MARCHF1: variants seen among roughly 807,000 people sequenced by gnomAD.
MARCHF1 encodes the protein E3 ubiquitin-protein ligase MARCHF1.
MARCHF1 carries 40 observed loss-of-function variants against 54.2 expected under a neutral mutation model. The observed-to-expected ratio is 0.74, with a 90% CI of 0.57 to 0.96. The LOEUF is 0.96. Ranked by LOEUF, MARCHF1 falls within the 40% of genes least tolerant of loss-of-function variation. The probability of loss-of-function intolerance (pLI) is 0.00; values close to 1 mark genes in which losing one functional copy is unlikely to be tolerated. For missense variants in MARCHF1, 586 were observed against 656.5 expected (o/e 0.89, Z 1.17); for synonymous variants, 236 against 236.3 (o/e 1.00, Z 0.01).
At chr4:163,957,300 T>A (rs924641671) in intron 3 of MARCHF1, among the ~76,000 whole-genome samples, 4 of 151,998 alleles carry the variant, frequency 2.6e-5, no homozygotes, top group African/African-American at 9.7e-5. Flanking sequence ...TAATGAAAAA[T>A]TAACCTTAAC....
At chr4:164,058,046 C>T (rs1560884149) in intron 2 of MARCHF1, among the ~76,000 whole-genome samples, 3 of 152,118 alleles carry the variant, frequency 2.0e-5, no homozygotes, top group South Asian at 4.1e-4. Flanking sequence ...ACCACATGTT[C>T]TCACTCATAA....
chr4:163,700,630 C>T (rs1003160618), intron 5 of MARCHF1, among the ~76,000 whole-genome samples, 183 bp downstream of exon 5: 1 of 152,050 alleles, frequency 6.6e-6, no homozygotes, highest in Non-Finnish European at 1.5e-5. Flanking sequence ...AAATAGCCTA[C>T]TTATTTTCTT....
chr4:163,550,066 T>C (rs1739049213), intron 8 of MARCHF1, among the ~76,000 whole-genome samples: 1 of 152,094 alleles, frequency 6.6e-6, no homozygotes, highest in Non-Finnish European at 1.5e-5. Context: ...GCGGATTGCC[T>C]GAGCGCAGGA....
At chr4:164,030,512 G>A (rs538925907) in intron 2 of MARCHF1, among the ~76,000 whole-genome samples, 1 of 152,236 alleles carries the variant, frequency 6.6e-6, no homozygotes, top group Non-Finnish European at 1.5e-5. Context: ...CACTTTCTGT[G>A]AAAGATTTAC....
intron 2 of MARCHF1, among the ~76,000 whole-genome samples, chr4:164,081,439 C>A (rs11724787): frequency 0.042 from 6,339 of 151,770 alleles, 184 homozygotes; most frequent in Non-Finnish European, 0.062. Flanking sequence ...ATTTTTCTGA[C>A]AAAGCCCTAC....
intron 5 of MARCHF1, among the ~76,000 whole-genome samples, chr4:163,614,456 G>A (rs554189256): frequency 6.6e-6 from 1 of 151,924 alleles, no homozygotes; most frequent in South Asian, 2.1e-4. Context: ...TCCAGATTCA[G>A]GCCTGTTTGA....
At chr4:164,294,467 T>G (rs1560990845) in intron 1 of MARCHF1, among the ~76,000 whole-genome samples, 1 of 152,152 alleles carries the variant, frequency 6.6e-6, no homozygotes, top group East Asian at 1.9e-4. Flanking sequence ...ATGCTACAAG[T>G]AAAACCCATT....
intron 3 of MARCHF1, among the ~76,000 whole-genome samples, chr4:163,941,316 T>C (rs1277155977): frequency 6.6e-6 from 1 of 152,050 alleles, no homozygotes. Flanking sequence ...AGGATTGAGC[T>C]AGGCACTGAA....
chr4:163,844,211 T>G (rs886229911), intron 4 of MARCHF1, among the ~76,000 whole-genome samples: 25 of 152,138 alleles, frequency 1.6e-4, no homozygotes, highest in Admixed American at 3.9e-4. Context: ...CACTTACAAG[T>G]GAGAGCATGA....
chr4:164,279,671 T>C (rs1019066558), intron 1 of MARCHF1, among the ~76,000 whole-genome samples: 1 of 151,560 alleles, frequency 6.6e-6, no homozygotes, highest in Non-Finnish European at 1.5e-5. Flanking sequence ...ATTTGTCAAA[T>C]GTAAAAATTT....
intron 1 of MARCHF1, among the ~76,000 whole-genome samples, chr4:164,218,284 T>G (rs1414233646): frequency 6.6e-6 from 1 of 152,048 alleles, no homozygotes; most frequent in Non-Finnish European, 1.5e-5. Flanking sequence ...GTGTAAGAAT[T>G]GTAGCGTTGA....
intron 4 of MARCHF1, among the ~76,000 whole-genome samples, chr4:163,701,252 T>C (rs922940827): frequency 2.0e-5 from 3 of 152,190 alleles, no homozygotes; most frequent in South Asian, 2.1e-4. Flanking sequence ...GTTTTCAATA[T>C]CATTAAATAT....
At chr4:163,925,069 C>T (rs1421006795) in intron 3 of MARCHF1, among the ~76,000 whole-genome samples, 1 of 151,682 alleles carries the variant, frequency 6.6e-6, no homozygotes, top group Non-Finnish European at 1.5e-5. Context: ...ATTTGGTCCC[C>T]TTAAGAAAAA....
chr4:164,263,769 G>T (rs1314594541), intron 1 of MARCHF1, among the ~76,000 whole-genome samples: 1 of 152,118 alleles, frequency 6.6e-6, no homozygotes, highest in African/African-American at 2.4e-5. Flanking sequence ...GATCATTAGA[G>T]AAATGCATAT....
intron 4 of MARCHF1, among the ~76,000 whole-genome samples, chr4:163,715,135 T>C (rs1745219615): frequency 6.6e-6 from 1 of 152,256 alleles, no homozygotes; most frequent in African/African-American, 2.4e-5. Flanking sequence ...GGATTTAACA[T>C]ACAGTATTAT....
intron 5 of MARCHF1, among the ~76,000 whole-genome samples, chr4:163,683,688 T>C (rs1010676855): frequency 1.3e-5 from 2 of 152,246 alleles, no homozygotes; most frequent in Admixed American, 6.5e-5. Flanking sequence ...TAAAGGGACC[T>C]GCTTGGAAAA....
In MARCHF1 at chr4:164,119,301, A is replaced by C. The variant is rs139157742; in HGVS notation, c.-322-7639T>G. On this transcript the variant is annotated intron_variant, in intron 1 of 9. Coordinates refer to ENST00000514618, the MANE Select transcript of MARCHF1 (RefSeq NM_001394959.1). ...TAAAATCAAAATTAAAATATCTCAAAAAATAATGATAATGAAAACTTAGAC... is the reference window on the plus strand; with the variant it reads ...TAAAATCAAAATTAAAATATCTCAACAAATAATGATAATGAAAACTTAGAC... 4.0e-5 allele frequency among the ~76,000 whole-genome samples: 6 copies of C among 151,786 alleles called. 1 individual carries two copies. In the East Asian group the frequency reaches 9.6e-4, roughly 24 times the overall value.
At chr4:163,763,232 C>T (rs1298668628) in intron 4 of MARCHF1, among the ~76,000 whole-genome samples, 7 of 152,018 alleles carry the variant, frequency 4.6e-5, no homozygotes, top group South Asian at 4.1e-4. Context: ...GAGAGGTAAA[C>T]GTGATCATGA....
intron 1 of MARCHF1, among the ~76,000 whole-genome samples, chr4:164,258,411 T>TAATAATAAC (rs1157643952): frequency 1.3e-5 from 2 of 150,656 alleles, no homozygotes; most frequent in East Asian, 3.9e-4. Flanking sequence ...ATAATAATAA[T>TAATAATAAC]AATAATAAAG....
Sources: allele counts gnomAD v4.1 joint callset (sites outside exome capture counted in the v4.1 genomes callset), GRCh38; gene constraint gnomAD v4.1.1; transcripts MANE v1.5; gene names NCBI Gene and HGNC (gene_info 2026-07-23, HGNC 2026-07-21).